SV2C: variants seen among roughly 807,000 people sequenced by gnomAD.
SV2C encodes synaptic vesicle glycoprotein 2C.
In SV2C, 49 loss-of-function variants were observed where a neutral mutation model predicts 79.7. That is an observed-to-expected ratio of 0.61 (90% confidence interval 0.49 to 0.78). The LOEUF (loss-of-function observed/expected upper bound fraction) is 0.78. SV2C is among the 30% of genes least tolerant of loss of function. The pLI is 0.00. For missense variants in SV2C, 833 were observed against 912.9 expected, an observed-to-expected ratio of 0.91 and a Z score of 1.13; for synonymous variants, 334 against 333.2, an observed-to-expected ratio of 1.00 and a Z score of -0.03.
At chr5:76,115,070 C>T (rs1186181649) in intron 1 of SV2C, among the ~76,000 whole-genome samples, 1 of 152,150 alleles carries the variant, frequency 6.6e-6, no homozygotes, top group Non-Finnish European at 1.5e-5. Flanking sequence ...CATAAACAAA[C>T]TCACCGTTTA....
the SV2C span, among the ~76,000 whole-genome samples, chr5:75,933,708 T>C: frequency 1.3e-5 from 2 of 152,246 alleles, no homozygotes; most frequent in African/African-American, 2.4e-5. Flanking sequence ...GGCCAACTGC[T>C]GCCATGCCTT....
the SV2C span, among the ~76,000 whole-genome samples, chr5:76,003,899 G>A: frequency 0.03 from 4,599 of 151,920 alleles, 257 homozygotes; most frequent in African/African-American, 0.11. Flanking sequence ...AAGACACAAA[G>A]CTGAGAGAGA....
At chr5:76,125,137 T>C (rs1050731808) in intron 1 of SV2C, among the ~76,000 whole-genome samples, 1 of 152,186 alleles carries the variant, frequency 6.6e-6, no homozygotes, top group Non-Finnish European at 1.5e-5. Flanking sequence ...AAATGAACGT[T>C]AATATACTTA....
At chr5:76,086,215 T>C (rs1747191820) in intron 1 of SV2C, among the ~76,000 whole-genome samples, 1 of 152,236 alleles carries the variant, frequency 6.6e-6, no homozygotes, top group African/African-American at 2.4e-5. Context: ...TAGGATCCAG[T>C]TCCCAGTCTC....
At chr5:76,204,613 G>C (rs1468338038) in intron 3 of SV2C, among the ~76,000 whole-genome samples, 1 of 152,122 alleles carries the variant, frequency 6.6e-6, no homozygotes, top group East Asian at 1.9e-4. Context: ...AAGCAGAATA[G>C]AATTACTCAG....
intron 2 of SV2C, among the ~76,000 whole-genome samples, chr5:76,147,026 C>CCT (rs1254261053): frequency 6.6e-6 from 1 of 151,958 alleles, no homozygotes; most frequent in Non-Finnish European, 1.5e-5. Flanking sequence ...ATGAGGGACT[C>CCT]TTTTAGAATT....
At chr5:76,132,928 G>C (rs1390655322) in intron 2 of SV2C, among the ~76,000 whole-genome samples, 2 of 151,540 alleles carry the variant, frequency 1.3e-5, no homozygotes, top group African/African-American at 4.8e-5. Flanking sequence ...GTAACTTTGT[G>C]CCCAAACTAG....
intron 1 of SV2C, among the ~76,000 whole-genome samples, chr5:76,108,221 A>C (rs1747986609): frequency 6.6e-6 from 1 of 152,220 alleles, no homozygotes; most frequent in Admixed American, 6.5e-5. Context: ...AGTATTTAGA[A>C]AGCATTTTTT....
At chr5:75,911,712 A>G in the SV2C span, 25 of 654,980 alleles carry the variant, frequency 3.8e-5, no homozygotes, top group African/African-American at 9.0e-5. Flanking sequence ...CTGGAGAGGC[A>G]AAGAAGATGG....
the SV2C span, among the ~76,000 whole-genome samples, chr5:76,033,046 T>C: frequency 6.6e-6 from 1 of 152,220 alleles, no homozygotes; most frequent in Non-Finnish European, 1.5e-5. Context: ...AAATGTCTTC[T>C]TTTGAGAAGT....
At chr5:75,921,536 A>G in the SV2C span, 5 of 831,802 alleles carry the variant, frequency 6.0e-6, no homozygotes, top group Non-Finnish European at 1.1e-5. Context: ...TGGGGAGATG[A>G]TTGAAGGCAT....
intron 4 of SV2C, among the ~76,000 whole-genome samples, chr5:76,235,795 C>CTT (rs1745592235): frequency 6.6e-6 from 1 of 150,716 alleles, no homozygotes; most frequent in African/African-American, 2.5e-5. Flanking sequence ...TTCCATTTAG[C>CTT]TCACACTTAC....
intron 1 of SV2C, among the ~76,000 whole-genome samples, chr5:76,118,693 C>CAAA (rs1485039554): frequency 3.3e-5 from 5 of 151,906 alleles, no homozygotes; most frequent in Admixed American, 2.6e-4. Context: ...TTAAAAAAAT[C>CAAA]AAAACTGGCT....
the SV2C span, among the ~76,000 whole-genome samples, chr5:76,071,349 G>A: frequency 2.6e-5 from 4 of 152,162 alleles, no homozygotes; most frequent in Non-Finnish European, 5.9e-5. Context: ...CTGAGCTGCC[G>A]ATGCATATAA....
the SV2C span, among the ~76,000 whole-genome samples, chr5:76,041,844 A>C: frequency 6.6e-6 from 1 of 152,112 alleles, no homozygotes; most frequent in Non-Finnish European, 1.5e-5. Flanking sequence ...TCATTACTCT[A>C]TACAAGTCCT....
At chr5:75,875,908 T>TA in the SV2C span, among the ~76,000 whole-genome samples, 2 of 151,352 alleles carry the variant, frequency 1.3e-5, no homozygotes, top group Non-Finnish European at 3.0e-5. Flanking sequence ...TAACTATTGT[T>TA]AAAAAGTCAA....
chr5:76,118,175 C>T (rs1748340884), intron 1 of SV2C, among the ~76,000 whole-genome samples: 1 of 152,188 alleles, frequency 6.6e-6, no homozygotes. Context: ...CCTCCTTGCT[C>T]TTCTAGCTTC....
intron 1 of SV2C, among the ~76,000 whole-genome samples, chr5:76,092,398 A>T (rs956112849): frequency 7.2e-5 from 11 of 152,196 alleles, no homozygotes; most frequent in African/African-American, 2.7e-4. Context: ...TTTCCAGGCA[A>T]TAATGTAGGT....
At chr5:76,135,422 G>A (rs1446381753) in intron 2 of SV2C, among the ~76,000 whole-genome samples, 1 of 152,134 alleles carries the variant, frequency 6.6e-6, no homozygotes, top group Non-Finnish European at 1.5e-5. Context: ...ACTATTTATG[G>A]GGCTGGTGGT....
Sources: gnomAD v4.1 joint callset for allele counts (sites outside exome capture counted in the v4.1 genomes callset) on GRCh38, gnomAD v4.1.1 for gene constraint, MANE v1.5 for transcripts, NCBI Gene and HGNC (gene_info 2026-07-23, HGNC 2026-07-21) for gene names.